The following CPNE4 variants were observed in gnomAD, a reference collection of about 807,000 sequenced individuals.
CPNE4 encodes the protein copine 4, also known as copine-4.
CPNE4 carries 25 observed loss-of-function variants against 67.9 expected under a neutral mutation model. That is an observed-to-expected ratio of 0.37 (90% CI 0.27 to 0.51). CPNE4 has a LOEUF of 0.51. Ranked by LOEUF, CPNE4 falls within the 20% of genes least tolerant of loss-of-function variation. CPNE4 has a pLI of 0.93. For missense variants in CPNE4, 464 were observed against 690.8 expected (o/e 0.67, Z 3.68); for synonymous variants, 242 against 244.9 (o/e 0.99, Z 0.11).
chr3:131,573,436 G>A (rs758325959), intron 10 of CPNE4, among the ~76,000 whole-genome samples: 43 of 152,080 alleles, frequency 2.8e-4, no homozygotes, highest in Non-Finnish European at 5.6e-4. Flanking sequence ...TGAAAGTCAG[G>A]ATGTGGAGCT....
chr3:131,601,013 G>A (rs1003017369), intron 7 of CPNE4, among the ~76,000 whole-genome samples: 1 of 152,052 alleles, frequency 6.6e-6, no homozygotes, highest in Non-Finnish European at 1.5e-5. Flanking sequence ...TCAGAGAATT[G>A]GTTAAAGAAG....
intron 7 of CPNE4, among the ~76,000 whole-genome samples, chr3:131,663,988 A>G (rs1206969367): frequency 6.6e-6 from 1 of 152,178 alleles, no homozygotes; most frequent in African/African-American, 2.4e-5. Flanking sequence ...AACTGGTGCT[A>G]TCACCTTAGT....
intron 7 of CPNE4, among the ~76,000 whole-genome samples, chr3:131,628,115 G>A (rs78429409): frequency 0.016 from 2,366 of 152,228 alleles, 51 homozygotes; most frequent in African/African-American, 0.055. Flanking sequence ...AAACGTAATC[G>A]TTATCTTATT....
At chr3:131,642,130 T>C (rs2079556473) in intron 7 of CPNE4, among the ~76,000 whole-genome samples, 1 of 152,058 alleles carries the variant, frequency 6.6e-6, no homozygotes, top group South Asian at 2.1e-4. Context: ...TGTAACCAAA[T>C]GCCAGCTGTT....
chr3:131,723,702 G>A (rs1426468826), intron 2 of CPNE4, 77 bp from the exon 3 acceptor site: 5 of 1,312,650 alleles, frequency 3.8e-6, no homozygotes, highest in Non-Finnish European at 5.3e-6. Context: ...TCATCTCAGA[G>A]CACTTCCCTT....
chr3:131,713,540 G>A (rs2081610857), intron 3 of CPNE4, among the ~76,000 whole-genome samples: 2 of 152,128 alleles, frequency 1.3e-5, no homozygotes, highest in South Asian at 4.1e-4. Flanking sequence ...TTGACTATTA[G>A]AACTGGAAGG....
intron 7 of CPNE4, among the ~76,000 whole-genome samples, chr3:131,604,270 A>G (rs1222482902): frequency 1.3e-5 from 2 of 152,164 alleles, no homozygotes; most frequent in Non-Finnish European, 2.9e-5. Context: ...AACTTTTAAA[A>G]TTGCAAAATC....
chr3:131,847,311 T>C (rs926175620), intron 2 of CPNE4, among the ~76,000 whole-genome samples: 2 of 152,234 alleles, frequency 1.3e-5, no homozygotes, highest in African/African-American at 2.4e-5. Flanking sequence ...TTTACCTCTC[T>C]GTCTCTCCTC....
intron 2 of CPNE4, among the ~76,000 whole-genome samples, chr3:131,787,893 C>A (rs2083608847): frequency 1.3e-5 from 2 of 151,964 alleles, no homozygotes; most frequent in Non-Finnish European, 2.9e-5. Context: ...CAATAAAACA[C>A]TAGGAGAGAA....
chr3:131,558,616 C>G (rs924225615), intron 11 of CPNE4, among the ~76,000 whole-genome samples: 1 of 151,958 alleles, frequency 6.6e-6, no homozygotes, highest in African/African-American at 2.4e-5. Context: ...TGTCAAATGA[C>G]CTCCAGATGG....
At chr3:131,587,311 T>C (rs1938247381) in intron 8 of CPNE4, among the ~76,000 whole-genome samples, 173 bp downstream of exon 8, 3 of 152,188 alleles carry the variant, frequency 2.0e-5, no homozygotes, top group Non-Finnish European at 4.4e-5. Context: ...GCACACACAA[T>C]TGCTTTGGGT....
chr3:131,584,324 C>T (rs1400636393), intron 8 of CPNE4, among the ~76,000 whole-genome samples: 2 of 152,112 alleles, frequency 1.3e-5, no homozygotes, highest in Non-Finnish European at 2.9e-5. Context: ...GTTTTTGAAA[C>T]CAAATTTTGA....
At chr3:131,982,944 C>T (rs1254097826) in intron 1 of CPNE4, among the ~76,000 whole-genome samples, 4 of 151,906 alleles carry the variant, frequency 2.6e-5, no homozygotes, top group Non-Finnish European at 5.9e-5. Flanking sequence ...ATAACATTGA[C>T]ATGAGCAAAC....
chr3:131,814,059 T>G (rs2084638215), intron 2 of CPNE4, among the ~76,000 whole-genome samples: 1 of 152,194 alleles, frequency 6.6e-6, no homozygotes, highest in Admixed American at 6.5e-5. Flanking sequence ...GTTCACATAT[T>G]CAGAACTATA....
intron 3 of CPNE4, among the ~76,000 whole-genome samples, chr3:131,701,092 T>C (rs1393293914): frequency 1.2e-5 from 1 of 83,876 alleles, no homozygotes; most frequent in Non-Finnish European, 2.2e-5. Flanking sequence ...TGGGGCCTGT[T>C]GTGGGGTGGG....
At chr3:131,863,126 G>C (rs1203027283) in intron 2 of CPNE4, among the ~76,000 whole-genome samples, 1 of 152,092 alleles carries the variant, frequency 6.6e-6, no homozygotes, top group Non-Finnish European at 1.5e-5. Context: ...CATTTGGGTT[G>C]GTTCCAAGTC....
chr3:131,830,861 T>C (rs1490174601), intron 2 of CPNE4, among the ~76,000 whole-genome samples: 1 of 152,112 alleles, frequency 6.6e-6, no homozygotes, highest in Non-Finnish European at 1.5e-5. Context: ...AAATTTGCAT[T>C]AGATGCTTTT....
intron 2 of CPNE4, among the ~76,000 whole-genome samples, chr3:131,849,620 C>G (rs1011533196): frequency 9.2e-5 from 14 of 152,090 alleles, no homozygotes; most frequent in Non-Finnish European, 2.1e-4. Flanking sequence ...GGACACAAAT[C>G]CAAACGATAT....
intron 2 of CPNE4, among the ~76,000 whole-genome samples, chr3:131,751,872 T>C (rs962408534): frequency 6.6e-6 from 1 of 151,884 alleles, no homozygotes; most frequent in African/African-American, 2.4e-5. Flanking sequence ...GTCCAAATTC[T>C]CTACCTGGCC....
Sources: gnomAD v4.1 joint callset for allele counts (sites outside exome capture counted in the v4.1 genomes callset) on GRCh38, gnomAD v4.1.1 for gene constraint, MANE v1.5 for transcripts, NCBI Gene and HGNC (gene_info 2026-07-23, HGNC 2026-07-21) for gene names.